Variants in FAM20C observed in about 807,000 individuals in gnomAD.
FAM20C encodes the protein extracellular serine/threonine protein kinase FAM20C.
FAM20C carries 40 observed loss-of-function variants against 51.5 expected under a neutral mutation model. That is an observed-to-expected ratio of 0.78 (90% CI 0.60 to 1.01). The LOEUF (loss-of-function observed/expected upper bound fraction) is 1.01, where lower values mean the gene tolerates loss of function less well. Ranked by LOEUF, FAM20C falls within the 50% of genes least tolerant of loss-of-function variation. The pLI is 0.00. For synonymous variants in FAM20C, 406 were observed against 380.6 expected (o/e 1.07, Z -0.78); for missense variants, 861 against 844.7 (o/e 1.02, Z -0.24).
intron 3 of FAM20C, among the ~76,000 whole-genome samples, chr7:226,286 C>CTT (rs1362955987): frequency 1.3e-5 from 2 of 152,162 alleles, no homozygotes; most frequent in Non-Finnish European, 2.9e-5. Context: ...GCTAAGCTGT[C>CTT]TGAGTCCCTG....
At chr7:245,608 G>T (rs1415862932) in intron 3 of FAM20C, among the ~76,000 whole-genome samples, 1 of 152,204 alleles carries the variant, frequency 6.6e-6, no homozygotes. Flanking sequence ...ACGCTTACAC[G>T]CTTACGCGCT....
intron 5 of FAM20C, among the ~76,000 whole-genome samples, chr7:249,964 G>T (rs1280828938): frequency 6.6e-6 from 1 of 152,158 alleles, no homozygotes; most frequent in Non-Finnish European, 1.5e-5. Context: ...GGGCCCTGCA[G>T]AATGAAGGGA....
intron 3 of FAM20C, among the ~76,000 whole-genome samples, chr7:245,741 G>A (rs1788126734): frequency 6.6e-6 from 1 of 152,222 alleles, no homozygotes; most frequent in Non-Finnish European, 1.5e-5. Flanking sequence ...CCCTTCCCCT[G>A]GAGTATTGGC....
intron 5 of FAM20C, 66 bp from the exon 6 acceptor site, chr7:255,783 C>CGT: frequency 6.6e-7 from 1 of 1,516,164 alleles, no homozygotes; most frequent in Non-Finnish European, 8.9e-7. Context: ...CCTTGGGGGC[C>CGT]GTGAGACCAC....
chr7:227,342 G>A (rs1375653153), intron 3 of FAM20C, among the ~76,000 whole-genome samples: 1 of 151,992 alleles, frequency 6.6e-6, no homozygotes, highest in African/African-American at 2.4e-5. Flanking sequence ...TTCAAAAGCA[G>A]TTTGCTCAGG....
At chr7:205,298 A>ACCGCCACGACGTCAGCCT in intron 2 of FAM20C, among the ~76,000 whole-genome samples, 1 of 145,408 alleles carries the variant, frequency 6.9e-6, no homozygotes, top group Non-Finnish European at 1.5e-5. Flanking sequence ...ACGGACACGC[A>ACCGCCACGACGTCAGCCT]CCACCACGAC....
rs1393968431 is a variant in FAM20C at position 248,309 on chromosome 7, T to TATTTGGAG, written c.957-6_957-5insATTTGGAG. On this transcript the variant is annotated splice_polypyrimidine_tract_variant and splice_region_variant and intron_variant, in intron 4 of 9. Transcript: ENST00000313766. ...CACAGACCATTCCCCGCCCGTTTCTTGCCAGGATCCTGGACTTCCGCCGGG... is the reference window on the plus strand; with the variant it reads ...CACAGACCATTCCCCGCCCGTTTCTTATTTGGAGGCCAGGATCCTGGACTTCCGCCGGG... 1 of 1,535,192 alleles carries TATTTGGAG rather than the reference T, an allele frequency of 6.5e-7. No individual in the cohort carries two copies. The highest frequency in any genetic ancestry group is 1.4e-5 in the African/African-American group (1 of 73,002).
rs1785650144 is a variant in FAM20C at position 193,196 on chromosome 7, G to A, written c.-4G>A. 1.4e-6 allele frequency: 2 copies of A among 1,453,982 alleles called. No homozygotes were observed. Among genetic ancestry groups the A allele is most frequent in the South Asian group, 1.2e-5 (1 of 81,570 alleles). 90.1% of individuals were successfully genotyped at this position (1,453,982 alleles called of 1,614,324 possible). A position where few individuals can be genotyped will look rare whatever the true frequency, so the allele number is the denominator to read the frequency against. ...GCTCCAGGCCCGGGCCGGCCCGCGC[G>A]GCCATGAAGATGATGCTGGTGCGCC... On this transcript the variant is annotated 5_prime_UTR_variant, in exon 1 of 10. Coordinates refer to ENST00000313766, the MANE Select transcript of FAM20C (RefSeq NM_020223.4).
intron 5 of FAM20C, among the ~76,000 whole-genome samples, chr7:254,503 G>A: frequency 6.6e-6 from 1 of 152,242 alleles, no homozygotes; most frequent in East Asian, 1.9e-4. Flanking sequence ...TACAGGAATA[G>A]CGCCGTCGGC....
At chr7:256,551 C>A in intron 6 of FAM20C, 103 bp from the exon 7 acceptor site, 2 of 961,196 alleles carry the variant, frequency 2.1e-6, no homozygotes, top group South Asian at 1.5e-5. Context: ...CATCTGCAGA[C>A]GCCAAGGTCC....
At chr7:200,051 T>C (rs2115048588) in intron 2 of FAM20C, among the ~76,000 whole-genome samples, 1 of 152,332 alleles carries the variant, frequency 6.6e-6, no homozygotes. Flanking sequence ...CCAGCTAGAA[T>C]CCAGGACTAA....
At chr7:229,064 C>T (rs1787560559) in intron 3 of FAM20C, 1 of 352,526 alleles carries the variant, frequency 2.8e-6, no homozygotes, top group African/African-American at 2.2e-5. Context: ...CCCTGTCAGC[C>T]CCACGGGGGC....
rs1396740321 is a variant in FAM20C, at chr7:258,622, A to T, written c.1446-24A>T. On this transcript the variant is annotated intron_variant, in intron 8 of 9. Coordinates refer to ENST00000313766, the MANE Select transcript of FAM20C (RefSeq NM_020223.4). ...TAGGAACCTTGTACAGGGGCCCTTG[A>T]CAATTCTGCTTTTCTTCTGGAAGGT... 2.0e-5 allele frequency: 30 copies of T among 1,536,536 alleles called. No homozygotes were observed. The South Asian group carries it at 3.6e-4, about 18-fold the overall frequency.
Position 246,487 on chromosome 7 carries a change from T to G in FAM20C, c.936T>G (p.Ile312Met). The G allele has an allele frequency of 2.0e-6, 3 of 1,536,886 alleles. No homozygotes were observed. The highest frequency in any genetic ancestry group is 2.6e-6 in the Non-Finnish European group (3 of 1,146,762). Residue 312 changes from isoleucine (I) to methionine (M), a missense_variant, in exon 4 of 10, where the codon ATT (isoleucine) becomes ATG (methionine). This residue lies in a region of FAM20C where 561 missense variants were observed against 499.8 expected (regional missense o/e 1.12). Transcript: ENST00000313766. Reference sequence around the variant, plus strand: ...ACTACGAGAGGCACAATGCGGAGATTGCTGCCTTCCACCTGGACAGGTGAG... The same window carrying G: ...ACTACGAGAGGCACAATGCGGAGATGGCTGCCTTCCACCTGGACAGGTGAG... ...FSDYERHNAE[I>M]AAFHLDRILD...
intron 2 of FAM20C, among the ~76,000 whole-genome samples, chr7:197,727 C>G (rs925575741): frequency 2.0e-5 from 3 of 152,206 alleles, no homozygotes; most frequent in African/African-American, 7.2e-5. Context: ...AACTGCAGCT[C>G]GCCACCTCCC....
intron 3 of FAM20C, among the ~76,000 whole-genome samples, chr7:219,045 C>T (rs76628663): frequency 0.011 from 1,655 of 152,260 alleles, 37 homozygotes; most frequent in African/African-American, 0.037. Context: ...AGTGAGGGTT[C>T]CCCAGTGCTC....
At chr7:220,815 C>T (rs772666012) in intron 3 of FAM20C, among the ~76,000 whole-genome samples, 1 of 152,226 alleles carries the variant, frequency 6.6e-6, no homozygotes, top group African/African-American at 2.4e-5. Flanking sequence ...GCTGCATTTT[C>T]CCTGGGCACC....
chr7:245,060 C>T (rs1042390260), intron 3 of FAM20C, among the ~76,000 whole-genome samples: 3 of 152,340 alleles, frequency 2.0e-5, no homozygotes, highest in Non-Finnish European at 2.9e-5. Context: ...TGCCCCACCC[C>T]GCTGTTCGTG....
Position 220,327 on chromosome 7 carries a change from C to T in FAM20C, c.863+11351C>T, listed in dbSNP as rs568166939. On this transcript the variant is annotated intron_variant, in intron 3 of 9. Coordinates refer to ENST00000313766, the MANE Select transcript of FAM20C (RefSeq NM_020223.4). ...ACCCCTGCCCTGCCCAGCAGAGTCG[C>T]TGGGCCCACCCACTGGGCGCCTGCT... Among the ~76,000 whole-genome samples the T allele has an allele frequency of 2.1e-4, 32 of 152,334 alleles. No homozygotes were observed. In the South Asian group the frequency reaches 6.4e-3, roughly 31 times the overall value.
Sources: gnomAD v4.1 joint callset for allele counts (sites outside exome capture counted in the v4.1 genomes callset) on GRCh38, gnomAD v4.1.1 for gene constraint, gnomAD v4.1.1 regional missense constraint, MANE v1.5 for transcripts, NCBI Gene and HGNC (gene_info 2026-07-23, HGNC 2026-07-21) for gene names.